The following KIF26B variants were observed in gnomAD, a reference collection of about 807,000 sequenced individuals.
KIF26B encodes the protein kinesin family member 26B.
A neutral mutation model predicts 151.2 loss-of-function variants in KIF26B; 63 were observed. The observed-to-expected ratio is 0.42, with a 90% CI of 0.34 to 0.51. The LOEUF (loss-of-function observed/expected upper bound fraction) is 0.51, where lower values mean the gene tolerates loss of function less well. Among genes scored for constraint, KIF26B ranks in the 20% least tolerant of loss-of-function variants. The pLI is 0.07. For synonymous variants in KIF26B, 1,357 were observed against 1,262.1 expected, an observed-to-expected ratio of 1.08 and a Z score of -1.59; for missense variants, 2,813 against 2,913.6, an observed-to-expected ratio of 0.97 and a Z score of 0.79.
At chr1:245,620,843 A>C (rs1462341024) in intron 9 of KIF26B, among the ~76,000 whole-genome samples, 9 of 152,194 alleles carry the variant, frequency 5.9e-5, no homozygotes, top group Admixed American at 5.9e-4. Flanking sequence ...GCAGAAACCA[A>C]TTTAGGAGGA....
At chr1:245,194,286 A>G (rs1669156545) in intron 2 of KIF26B, among the ~76,000 whole-genome samples, 1 of 152,228 alleles carries the variant, frequency 6.6e-6, no homozygotes, top group Non-Finnish European at 1.5e-5. Context: ...TGCTTGATGC[A>G]GGAGGCAGTT....
intron 3 of KIF26B, among the ~76,000 whole-genome samples, chr1:245,395,940 G>T (rs760956775): frequency 1.3e-5 from 2 of 152,122 alleles, no homozygotes; most frequent in South Asian, 4.1e-4. Flanking sequence ...TAGAACAGGG[G>T]GGGAAATTTC....
intron 10 of KIF26B, among the ~76,000 whole-genome samples, chr1:245,653,405 T>C (rs776982552): frequency 2.0e-5 from 3 of 152,182 alleles, no homozygotes; most frequent in Non-Finnish European, 4.4e-5. Flanking sequence ...GCACGGTGCA[T>C]AAATGAGCCC....
intron 4 of KIF26B, among the ~76,000 whole-genome samples, chr1:245,489,660 A>G (rs1660355042): frequency 1.3e-5 from 2 of 152,232 alleles, no homozygotes; most frequent in Admixed American, 1.3e-4. Context: ...CGGGCTATGT[A>G]TATGTAAAGT....
intron 10 of KIF26B, among the ~76,000 whole-genome samples, chr1:245,669,884 C>G (rs1346673354): frequency 6.6e-6 from 1 of 152,064 alleles, no homozygotes; most frequent in Admixed American, 6.5e-5. Flanking sequence ...TGAAGTAACT[C>G]AGGAAGGGAA....
At chr1:245,489,166 G>A (rs190182498) in intron 4 of KIF26B, among the ~76,000 whole-genome samples, 10 of 152,240 alleles carry the variant, frequency 6.6e-5, no homozygotes, top group Admixed American at 3.3e-4. Flanking sequence ...TTATAAATGC[G>A]CTCATCATAA....
intron 2 of KIF26B, among the ~76,000 whole-genome samples, chr1:245,258,871 C>T (rs1573737683): frequency 1.3e-5 from 2 of 152,332 alleles, no homozygotes; most frequent in East Asian, 3.9e-4. Context: ...CTTAACCCAT[C>T]TCCGCTCCGG....
intron 2 of KIF26B, among the ~76,000 whole-genome samples, chr1:245,332,632 T>C (rs772269116): frequency 6.6e-6 from 1 of 152,158 alleles, no homozygotes; most frequent in Non-Finnish European, 1.5e-5. Context: ...GTGAGTCGTC[T>C]CCTGGAAGCC....
At chr1:245,159,650 T>C (rs1262568872) in intron 2 of KIF26B, among the ~76,000 whole-genome samples, 1 of 152,230 alleles carries the variant, frequency 6.6e-6, no homozygotes, top group African/African-American at 2.4e-5. Flanking sequence ...ATCTGTATAT[T>C]TTCTAAACAT....
intron 9 of KIF26B, among the ~76,000 whole-genome samples, chr1:245,627,751 G>T (rs914278708): frequency 3.3e-5 from 5 of 151,616 alleles, no homozygotes; most frequent in Non-Finnish European, 7.4e-5. Context: ...TAATAAAGAA[G>T]AAAAGGAGAA....
intron 2 of KIF26B, among the ~76,000 whole-genome samples, chr1:245,345,527 C>T (rs186916846): frequency 6.6e-6 from 1 of 152,194 alleles, no homozygotes; most frequent in East Asian, 1.9e-4. Context: ...CCTGAGAGGT[C>T]CTCGTGATGG....
At chr1:245,173,828 C>T (rs1220124940) in intron 2 of KIF26B, among the ~76,000 whole-genome samples, 1 of 152,262 alleles carries the variant, frequency 6.6e-6, no homozygotes, top group East Asian at 1.9e-4. Context: ...CAGCCAAGAG[C>T]CCCTTAGCTC....
chr1:245,222,111 A>G (rs1438008690), intron 2 of KIF26B, among the ~76,000 whole-genome samples: 1 of 152,166 alleles, frequency 6.6e-6, no homozygotes, highest in African/African-American at 2.4e-5. Flanking sequence ...GAAATATCAC[A>G]TGCCAACTTA....
intron 2 of KIF26B, among the ~76,000 whole-genome samples, chr1:245,340,353 CA>C (rs1672311493): frequency 1.7e-5 from 1 of 59,462 alleles, no homozygotes; most frequent in East Asian, 3.8e-4. Flanking sequence ...GGAATAATGA[CA>C]AGGAAAAAAA....
intron 2 of KIF26B, among the ~76,000 whole-genome samples, chr1:245,349,558 T>TAAAAAAAAAAAAAAAAAA (rs1672523820): frequency 1.5e-5 from 1 of 66,618 alleles, no homozygotes. Flanking sequence ...GAAATAAACT[T>TAAAAAAAAAAAAAAAAAA]CAAAAAAAAA....
intron 2 of KIF26B, among the ~76,000 whole-genome samples, chr1:245,191,245 C>A (rs191799808): frequency 8.1e-4 from 122 of 150,878 alleles, no homozygotes; most frequent in African/African-American, 2.6e-3. Flanking sequence ...GAGGCCGAGG[C>A]GGGCGGATTA....
At chr1:245,265,941 A>G (rs926526467) in intron 2 of KIF26B, among the ~76,000 whole-genome samples, 1 of 152,200 alleles carries the variant, frequency 6.6e-6, no homozygotes, top group Admixed American at 6.5e-5. Context: ...AGCAAAAAGC[A>G]TAAACCATGA....
intron 2 of KIF26B, among the ~76,000 whole-genome samples, chr1:245,247,414 T>C (rs951571670): frequency 2.3e-4 from 35 of 152,232 alleles, no homozygotes; most frequent in African/African-American, 8.4e-4. Context: ...GCCGAGATCC[T>C]GCCAATGTAC....
intron 4 of KIF26B, among the ~76,000 whole-genome samples, chr1:245,522,151 G>A (rs533763215): frequency 7.9e-5 from 12 of 152,232 alleles, no homozygotes; most frequent in Admixed American, 5.2e-4. Context: ...TTACAGGTGT[G>A]AGCCACCGCG....
Sources: gnomAD v4.1 joint callset for allele counts (sites outside exome capture counted in the v4.1 genomes callset) on GRCh38, gnomAD v4.1.1 for gene constraint, MANE v1.5 for transcripts, NCBI Gene and HGNC (gene_info 2026-07-23, HGNC 2026-07-21) for gene names.